Variants in PDCD6IP observed in about 807,000 individuals in gnomAD.
PDCD6IP encodes the protein programmed cell death 6-interacting protein.
In PDCD6IP, 43 loss-of-function variants were observed where a neutral mutation model predicts 103.7. The observed-to-expected ratio is 0.41, with a 90% CI of 0.32 to 0.53. PDCD6IP has a LOEUF of 0.53. PDCD6IP is among the 20% of genes least tolerant of loss of function. The pLI is 0.16. For missense variants in PDCD6IP, 871 were observed against 1,036.7 expected (o/e 0.84, Z 2.20); for synonymous variants, 354 against 378.7 (o/e 0.93, Z 0.76).
chr3:33,801,195 A>C (rs906558221), intron 1 of PDCD6IP, among the ~76,000 whole-genome samples: 9 of 152,238 alleles, frequency 5.9e-5, no homozygotes. Flanking sequence ...CTGTAAAATT[A>C]GATGTGAATC....
chr3:33,813,596 A>AATT lies in PDCD6IP; in HGVS notation c.303_304insTTA (p.Lys101_Gly102insLeu). ...TTTACCTGGAAGGATGCTTTCGATAAAGGTTCACTTTTTGGAGGCTCTGTA... is the reference window on the plus strand; with the variant it reads ...TTTACCTGGAAGGATGCTTTCGATAAATTAGGTTCACTTTTTGGAGGCTCTGTA... On this transcript the variant is annotated inframe_insertion, in exon 3 of 18. Coordinates refer to ENST00000307296, the MANE Select transcript of PDCD6IP (RefSeq NM_013374.6). The AATT allele has an allele frequency of 6.2e-7, 1 of 1,609,630 alleles. No individual in the cohort carries two copies. The highest frequency in any genetic ancestry group is 8.5e-7 in the Non-Finnish European group (1 of 1,176,428).
At chr3:33,805,833 C>T (rs947338095) in intron 1 of PDCD6IP, among the ~76,000 whole-genome samples, 1 of 152,042 alleles carries the variant, frequency 6.6e-6, no homozygotes, top group Non-Finnish European at 1.5e-5. Flanking sequence ...CAAGCTCCAC[C>T]TCCCAGGTTC....
chr3:33,838,354 A>G lies in PDCD6IP; in HGVS notation c.1181+27A>G, dbSNP rs370510920. On this transcript the variant is annotated intron_variant, in intron 9 of 17. Coordinates refer to ENST00000307296, the MANE Select transcript of PDCD6IP (RefSeq NM_013374.6). ...TAGGTAGAGCTTAATTTTAGAGCCT[A>G]AAGTTTTCCGTTTGGTTGTTCTTTA... The G allele has an allele frequency of 4.4e-6, 7 of 1,581,870 alleles. No homozygotes were observed. In the African/African-American group the frequency reaches 5.4e-5, roughly 12 times the overall value.
chr3:33,841,206 T>C (rs1005242794), intron 9 of PDCD6IP, among the ~76,000 whole-genome samples: 1 of 151,714 alleles, frequency 6.6e-6, no homozygotes, highest in African/African-American at 2.4e-5. Flanking sequence ...TTTTGTACTT[T>C]TAGTAGAGAT....
chr3:33,837,016 G>T (rs982889218), intron 8 of PDCD6IP, among the ~76,000 whole-genome samples: 2 of 151,786 alleles, frequency 1.3e-5, no homozygotes, highest in Non-Finnish European at 2.9e-5. Context: ...TGCCTCCTGG[G>T]TTCAAGTGAT....
rs781385537 is a variant in PDCD6IP, at chr3:33,838,227, G to A, written c.1081G>A (p.Val361Met). The change falls in exon 9 of 18, where the codon GTG becomes ATG. Residue 361 changes from valine to methionine, a missense_variant. Val to Met is a conservative substitution (Grantham distance 21, BLOSUM62 1). This residue lies in a region of PDCD6IP where 242 missense variants were observed against 250.7 expected (regional missense o/e 0.97). Transcript: ENST00000307296. ...FTDLFEKMVPVSVQQSLAAYN... is the reference protein window; with the variant it reads ...FTDLFEKMVPMSVQQSLAAYN... Reference sequence around the variant, plus strand: ...AGATCTGTTTGAGAAGATGGTTCCCGTGTCAGTACAGCAGTCTTTGGCTGC... The same window carrying A: ...AGATCTGTTTGAGAAGATGGTTCCCATGTCAGTACAGCAGTCTTTGGCTGC... The A allele has an allele frequency of 6.2e-6, 10 of 1,613,486 alleles. No homozygotes were observed. Among genetic ancestry groups the A allele is most frequent in the African/African-American group, 4.0e-5 (3 of 74,882 alleles).
At chr3:33,839,307 T>C in intron 9 of PDCD6IP, among the ~76,000 whole-genome samples, 1 of 152,250 alleles carries the variant, frequency 6.6e-6, no homozygotes, top group East Asian at 1.9e-4. Flanking sequence ...GTAATCATTC[T>C]AGCATATGCA....
chr3:33,818,867 G>A (rs1696923772), intron 3 of PDCD6IP, among the ~76,000 whole-genome samples: 1 of 151,940 alleles, frequency 6.6e-6, no homozygotes, highest in South Asian at 2.1e-4. Context: ...TCTGATTTTT[G>A]TTATTTTATA....
intron 1 of PDCD6IP, among the ~76,000 whole-genome samples, chr3:33,802,398 A>G (rs561421190): frequency 6.6e-6 from 1 of 152,304 alleles, no homozygotes; most frequent in Admixed American, 6.5e-5. Flanking sequence ...ATAGACTGAT[A>G]ATGATGTAGT....
chr3:33,824,189 C>A (rs1456209072), intron 4 of PDCD6IP, among the ~76,000 whole-genome samples: 1 of 151,862 alleles, frequency 6.6e-6, no homozygotes, highest in Non-Finnish European at 1.5e-5. Context: ...CAGAAACATG[C>A]TGTTCATTTT....
chr3:33,844,878 A>G (rs1213011645), intron 11 of PDCD6IP, among the ~76,000 whole-genome samples: 1 of 152,162 alleles, frequency 6.6e-6, no homozygotes, highest in African/African-American at 2.4e-5. Context: ...AAAAAAAAAA[A>G]TGAGCTTTAA....
At position 33,812,133 on chromosome 3, in the gene PDCD6IP, C is replaced by T; in HGVS notation, c.264+7C>T. ...CCCATTTTCTGAAAATCAGGTAAGT[C>T]ATTAATTCTGTCTTAAAATTATATG... On this transcript the variant is annotated splice_region_variant and intron_variant, in intron 2 of 17. Coordinates refer to ENST00000307296, the MANE Select transcript of PDCD6IP (RefSeq NM_013374.6). 1 of 1,599,716 alleles carries T rather than the reference C, an allele frequency of 6.3e-7. No individual in the cohort carries two copies. Among genetic ancestry groups the T allele is most frequent in the Non-Finnish European group, 8.5e-7 (1 of 1,173,142 alleles).
chr3:33,804,575 A>G (rs1696549878), intron 1 of PDCD6IP, among the ~76,000 whole-genome samples: 1 of 152,374 alleles, frequency 6.6e-6, no homozygotes, highest in African/African-American at 2.4e-5. Context: ...ACATATGGGA[A>G]GATTTAAAAT....
At position 33,863,256 on chromosome 3, in the gene PDCD6IP, C is replaced by G. The variant is rs993544220; in HGVS notation, c.2121-750C>G. On this transcript the variant is annotated intron_variant, in intron 15 of 17. Coordinates refer to ENST00000307296, the MANE Select transcript of PDCD6IP (RefSeq NM_013374.6). ...ATCAAGGCAATTAGGATATTCATCT[C>G]AAACGTTTATCATTTCTTTGTGTTG... 4.6e-5 allele frequency among the ~76,000 whole-genome samples: 7 copies of G among 152,312 alleles called. No homozygotes were observed. The East Asian group carries it at 1.4e-3, about 29-fold the overall frequency.
intron 15 of PDCD6IP, among the ~76,000 whole-genome samples, chr3:33,862,719 C>A (rs1455584485): frequency 6.6e-6 from 1 of 152,068 alleles, no homozygotes; most frequent in Non-Finnish European, 1.5e-5. Flanking sequence ...AAAAGGTTAG[C>A]CTTTTCACCT....
At chr3:33,857,082 C>A (rs1364766458) in intron 15 of PDCD6IP, among the ~76,000 whole-genome samples, 5 of 151,980 alleles carry the variant, frequency 3.3e-5, no homozygotes, top group Non-Finnish European at 1.5e-5. Context: ...TTTTCTTCTA[C>A]CTCTAACAAA....
At chr3:33,861,204 G>A (rs756706253) in intron 15 of PDCD6IP, among the ~76,000 whole-genome samples, 1 of 151,456 alleles carries the variant, frequency 6.6e-6, no homozygotes, top group Non-Finnish European at 1.5e-5. Flanking sequence ...GAGTGCAGTG[G>A]CACGATCTCG....
intron 3 of PDCD6IP, among the ~76,000 whole-genome samples, chr3:33,818,629 C>T (rs927243169): frequency 1.9e-4 from 29 of 150,460 alleles, no homozygotes; most frequent in Admixed American, 8.0e-4. Context: ...AGCGATTATC[C>T]TGCGTCAGCT....
intron 3 of PDCD6IP, 130 bp from the exon 4 acceptor site, chr3:33,821,825 G>A (rs1696997678): frequency 2.5e-6 from 2 of 800,046 alleles, no homozygotes; most frequent in African/African-American, 3.5e-5. Flanking sequence ...ATGACAGCAA[G>A]AAAACAGGTC....
Sources: allele counts gnomAD v4.1 joint callset (sites outside exome capture counted in the v4.1 genomes callset), GRCh38; gene constraint gnomAD v4.1.1; regional missense constraint gnomAD v4.1.1; transcripts MANE v1.5; gene names NCBI Gene and HGNC (gene_info 2026-07-23, HGNC 2026-07-21).